The following EXOC6B variants were observed in gnomAD, a reference collection of about 807,000 sequenced individuals.
EXOC6B encodes SEC15 homolog B.
Under a neutral mutation model 113.5 loss-of-function variants are expected in EXOC6B, and 54 were observed. That is an observed-to-expected ratio of 0.48 (90% confidence interval 0.38 to 0.60). EXOC6B has a LOEUF of 0.60. Ranked by LOEUF, EXOC6B falls within the 20% of genes least tolerant of loss-of-function variation. The probability of loss-of-function intolerance (pLI) is 0.00; values close to 1 mark genes in which losing one functional copy is unlikely to be tolerated. For synonymous variants in EXOC6B, 357 were observed against 339.0 expected (o/e 1.05, Z -0.58); for missense variants, 797 against 977.5 (o/e 0.82, Z 2.46).
chr2:72,214,833 T>A (rs1680416605), intron 20 of EXOC6B, among the ~76,000 whole-genome samples: 1 of 152,232 alleles, frequency 6.6e-6, no homozygotes, highest in Non-Finnish European at 1.5e-5. Context: ...GTTGATGCTA[T>A]GTTTTTGCAT....
At chr2:72,426,757 G>C (rs1436081935) in intron 18 of EXOC6B, among the ~76,000 whole-genome samples, 1 of 152,132 alleles carries the variant, frequency 6.6e-6, no homozygotes, top group Admixed American at 6.5e-5. Flanking sequence ...CTGAATTTAG[G>C]GACATATGTA....
chr2:72,381,297 T>G (rs1027074154), intron 18 of EXOC6B, among the ~76,000 whole-genome samples: 5 of 152,186 alleles, frequency 3.3e-5, no homozygotes, highest in Non-Finnish European at 7.4e-5. Context: ...TTCCTTTAGT[T>G]GTTCCATAGT....
chr2:72,230,248 G>A (rs1202941222), intron 20 of EXOC6B, among the ~76,000 whole-genome samples: 1 of 152,118 alleles, frequency 6.6e-6, no homozygotes, highest in Non-Finnish European at 1.5e-5. Context: ...ACACTTATTA[G>A]CATGCTGTGG....
intron 8 of EXOC6B, among the ~76,000 whole-genome samples, chr2:72,531,528 T>C (rs1342965118): frequency 6.6e-6 from 1 of 152,220 alleles, no homozygotes; most frequent in African/African-American, 2.4e-5. Context: ...TTATACTGTA[T>C]GCTAGACCAT....
rs145837160 is a variant in EXOC6B at position 72,375,519 on chromosome 2, A to G, written c.2122+4210T>C. On this transcript the variant is annotated intron_variant, in intron 19 of 21. Transcript: ENST00000272427. ...AAAACAGAAGTATTAATGTATCTAA[A>G]AATTTTCTAAATATTTGGGAAGTAA... is the stretch of plus-strand genomic sequence containing the variant. Among the ~76,000 whole-genome samples the G allele has an allele frequency of 5.6e-3, 847 of 152,310 alleles. 10 individuals carry two copies. Among genetic ancestry groups the G allele is most frequent in the African/African-American group, 0.019 (790 of 41,576 alleles).
At chr2:72,395,107 C>T (rs1692639403) in intron 18 of EXOC6B, among the ~76,000 whole-genome samples, 1 of 152,166 alleles carries the variant, frequency 6.6e-6, no homozygotes, top group Non-Finnish European at 1.5e-5. Context: ...GTCTTTCAAA[C>T]TTTCCAATAA....
chr2:72,282,702 T>C (rs1032655976), intron 20 of EXOC6B, among the ~76,000 whole-genome samples: 4 of 151,846 alleles, frequency 2.6e-5, no homozygotes, highest in African/African-American at 9.7e-5. Flanking sequence ...TCTTGAAAAA[T>C]TGAAAATAAA....
At position 72,224,885 on chromosome 2, in the gene EXOC6B, T is replaced by C. The variant is rs866953194; in HGVS notation, c.2197-40698A>G. On this transcript the variant is annotated intron_variant, in intron 20 of 21. Transcript: ENST00000272427. Reference sequence around the variant, plus strand: ...GTATACGTAAGTGTATATATATATATACATCTATGTGTGTATATATATAGA... The same window carrying C: ...GTATACGTAAGTGTATATATATATACACATCTATGTGTGTATATATATAGA... Among the ~76,000 whole-genome samples, 146 of 150,426 alleles carry C rather than the reference T, an allele frequency of 9.7e-4. 1 individual carries two copies. Among genetic ancestry groups the C allele is most frequent in the African/African-American group, 3.0e-3 (124 of 41,100 alleles).
At chr2:72,768,790 T>A (rs1683252091) in intron 1 of EXOC6B, among the ~76,000 whole-genome samples, 1 of 152,148 alleles carries the variant, frequency 6.6e-6, no homozygotes, top group Non-Finnish European at 1.5e-5. Flanking sequence ...TTTCAAGCCC[T>A]ATAAACCCAA....
At chr2:72,547,351 A>T (rs909928819) in intron 8 of EXOC6B, among the ~76,000 whole-genome samples, 1 of 152,220 alleles carries the variant, frequency 6.6e-6, no homozygotes. Context: ...GATGTCAGAA[A>T]TCTTTAAACT....
chr2:72,244,407 T>C (rs2104518917), intron 20 of EXOC6B, among the ~76,000 whole-genome samples: 1 of 152,174 alleles, frequency 6.6e-6, no homozygotes, highest in Non-Finnish European at 1.5e-5. Context: ...CAAACGTAAT[T>C]TTCAAAAGGA....
At chr2:72,449,992 G>A (rs1185880303) in intron 18 of EXOC6B, among the ~76,000 whole-genome samples, 2 of 152,166 alleles carry the variant, frequency 1.3e-5, no homozygotes, top group African/African-American at 4.8e-5. Flanking sequence ...AACAGAAAGA[G>A]CAACTAGGTA....
At chr2:72,438,325 A>C (rs1055869779) in intron 18 of EXOC6B, among the ~76,000 whole-genome samples, 1 of 151,726 alleles carries the variant, frequency 6.6e-6, no homozygotes, top group Non-Finnish European at 1.5e-5. Flanking sequence ...AAAAAAAAAA[A>C]GTTGGCTGGG....
intron 20 of EXOC6B, among the ~76,000 whole-genome samples, chr2:72,215,710 A>T (rs1327908570): frequency 1.3e-5 from 2 of 152,188 alleles, no homozygotes; most frequent in East Asian, 3.9e-4. Flanking sequence ...ATCAATATAC[A>T]TGAGAAATTT....
chr2:72,690,092 T>A (rs1322076371), intron 6 of EXOC6B, among the ~76,000 whole-genome samples: 1 of 152,204 alleles, frequency 6.6e-6, no homozygotes, highest in Non-Finnish European at 1.5e-5. Context: ...CCTATGAGGC[T>A]ATGAGGAAAA....
intron 19 of EXOC6B, among the ~76,000 whole-genome samples, chr2:72,368,401 C>T (rs1690771626): frequency 6.6e-6 from 1 of 152,036 alleles, no homozygotes; most frequent in Non-Finnish European, 1.5e-5. Flanking sequence ...AAGTCCAGGA[C>T]CAGAGGGATT....
intron 18 of EXOC6B, among the ~76,000 whole-genome samples, chr2:72,455,096 T>A (rs529407694): frequency 6.6e-6 from 1 of 152,130 alleles, no homozygotes; most frequent in African/African-American, 2.4e-5. Context: ...GATCTACCTA[T>A]GTAATTAATG....
At chr2:72,660,935 A>T (rs1156801925) in intron 6 of EXOC6B, among the ~76,000 whole-genome samples, 3 of 152,124 alleles carry the variant, frequency 2.0e-5, no homozygotes, top group African/African-American at 7.2e-5. Flanking sequence ...GGAGCAGAAA[A>T]GGAACACCTA....
chr2:72,618,799 C>T (rs977326502), intron 6 of EXOC6B, among the ~76,000 whole-genome samples: 5 of 152,224 alleles, frequency 3.3e-5, no homozygotes, highest in Admixed American at 3.3e-4. Flanking sequence ...ATTTCATCCT[C>T]TTCCATTCAA....
Sources: gnomAD v4.1 joint callset for allele counts (sites outside exome capture counted in the v4.1 genomes callset) on GRCh38, gnomAD v4.1.1 for gene constraint, MANE v1.5 for transcripts, NCBI Gene and HGNC (gene_info 2026-07-23, HGNC 2026-07-21) for gene names.